ZW10: variants seen among roughly 807,000 people sequenced by gnomAD.
ZW10 encodes centromere/kinetochore protein zw10 homolog.
A neutral mutation model predicts 87.8 loss-of-function variants in ZW10; 53 were observed. The ratio of observed to expected loss-of-function variants is 0.60; its 90% CI spans 0.48 to 0.76. The LOEUF is 0.76. Among genes scored for constraint, ZW10 ranks in the 30% least tolerant of loss-of-function variants. The pLI, the probability that ZW10 is intolerant of heterozygous loss-of-function variation, is 0.00. For missense variants in ZW10, 837 were observed against 923.0 expected, an observed-to-expected ratio of 0.91 and a Z score of 1.21; for synonymous variants, 312 against 329.2, an observed-to-expected ratio of 0.95 and a Z score of 0.57.
At position 113,747,651 on chromosome 11, in the gene ZW10, A is replaced by G. The variant is rs1359960758; in HGVS notation, c.1152T>C (p.Asp384=). The change falls in exon 9 of 16, where the codon GAT becomes GAC. Residue 384 remains aspartate (D), a synonymous_variant. Coordinates refer to ENST00000200135, the MANE Select transcript of ZW10 (RefSeq NM_004724.4). ...ALKEMRFLKG[D]TTDLLKYARN... The stretch of plus-strand genomic sequence containing the variant: ...GAGCGTATTTCAGCAAATCTGTAGT[A>G]TCTCCTTTTAAAAATCTCATTTCCT... 1 of 1,613,470 alleles carries G rather than the reference A, an allele frequency of 6.2e-7. No homozygotes were observed. The highest frequency in any genetic ancestry group is 8.5e-7 in the Non-Finnish European group (1 of 1,179,578).
intron 11 of ZW10, among the ~76,000 whole-genome samples, chr11:113,740,690 TG>T (rs1410072605): frequency 6.6e-6 from 1 of 152,184 alleles, no homozygotes; most frequent in African/African-American, 2.4e-5. Context: ...TCTCAAAATG[TG>T]GTCCCATGAC....
chr11:113,741,924 G>A (rs2134870117), intron 10 of ZW10, among the ~76,000 whole-genome samples, 159 bp from the exon 11 acceptor site: 1 of 152,326 alleles, frequency 6.6e-6, no homozygotes, highest in Middle Eastern at 3.4e-3. Context: ...AATCTAGATG[G>A]AAATATAGTC....
intron 2 of ZW10, among the ~76,000 whole-genome samples, chr11:113,768,331 C>T (rs1042533339): frequency 6.6e-6 from 1 of 152,190 alleles, no homozygotes; most frequent in South Asian, 2.1e-4. Flanking sequence ...CCAGACCAGC[C>T]ATCTTTCAAA....
intron 12 of ZW10, 138 bp from the exon 13 acceptor site, chr11:113,738,532 G>A: frequency 1.3e-6 from 1 of 761,246 alleles, no homozygotes; most frequent in Non-Finnish European, 1.9e-6. Flanking sequence ...TCATAAAGCT[G>A]CCCTAAAGCT....
chr11:113,755,570 AG>A (rs1342179767), intron 7 of ZW10, among the ~76,000 whole-genome samples: 1 of 152,202 alleles, frequency 6.6e-6, no homozygotes, highest in Non-Finnish European at 1.5e-5. Flanking sequence ...ATGACAACAA[AG>A]GATTTAGAAC....
intron 7 of ZW10, chr11:113,751,174 A>C (rs769329293): frequency 6.1e-4 from 146 of 238,378 alleles, no homozygotes; most frequent in Non-Finnish European, 1.1e-3. Context: ...CTGGAGGCAC[A>C]CATTGAGGCC....
Position 113,760,584 on chromosome 11 carries a change from T to C in ZW10, c.349A>G (p.Thr117Ala). ...SLLKQLQEFS[T>A]AIEEYNCALT... Reference sequence around the variant, plus strand: ...GCACAATTATATTCTTCAATAGCAGTGGAAAACTGAAAAGTTAAGTATAAT... The same window carrying C: ...GCACAATTATATTCTTCAATAGCAGCGGAAAACTGAAAAGTTAAGTATAAT... Residue 117 changes from threonine (T) to alanine (A), a missense_variant, in exon 4 of 16, where the codon ACT becomes GCT. By Grantham distance (58) the Thr-to-Ala change is moderately conservative. Coordinates refer to ENST00000200135, the MANE Select transcript of ZW10 (RefSeq NM_004724.4). The C allele has an allele frequency of 6.2e-7, 1 of 1,610,170 alleles. No individual in the cohort carries two copies. The highest frequency in any genetic ancestry group is 1.1e-5 in the South Asian group (1 of 90,422).
At chr11:113,773,206 G>A (rs2134905848) in intron 1 of ZW10, among the ~76,000 whole-genome samples, 1 of 151,814 alleles carries the variant, frequency 6.6e-6, no homozygotes, top group East Asian at 2.0e-4. Context: ...GCTTCCAGTT[G>A]CTCCTCCCGC....
At chr11:113,744,123 C>T (rs1953654744) in intron 9 of ZW10, 83 bp from the exon 10 acceptor site, 1 of 1,180,222 alleles carries the variant, frequency 8.5e-7, no homozygotes, top group Admixed American at 2.1e-5. Flanking sequence ...CATGGCGGCT[C>T]ACGCCTGTAA....
chr11:113,747,496 A>C lies in ZW10; in HGVS notation c.1272+35T>G, dbSNP rs565484395. 13 of 1,550,560 alleles carry C rather than the reference A, an allele frequency of 8.4e-6. No homozygotes were observed. In the South Asian group the frequency reaches 1.6e-4, roughly 19 times the overall value. ...CAAAATGAGTTGCTTTCTCATATAC[A>C]ATGTTTCATATACAATGCAATATAA... On this transcript the variant is annotated intron_variant, in intron 9 of 15. Transcript: ENST00000200135.
chr11:113,739,098 G>A, intron 12 of ZW10, 115 bp downstream of exon 12: 1 of 1,171,002 alleles, frequency 8.5e-7, no homozygotes, highest in Non-Finnish European at 1.2e-6. Context: ...CCCACTTTCT[G>A]ATACAGCTCA....
At chr11:113,772,475 C>G (rs1953977012) in intron 1 of ZW10, among the ~76,000 whole-genome samples, 1 of 152,136 alleles carries the variant, frequency 6.6e-6, no homozygotes, top group South Asian at 2.1e-4. Flanking sequence ...CCCTCGAAAC[C>G]CTACTTGACT....
chr11:113,734,579 C>T (rs1461543974), intron 15 of ZW10, among the ~76,000 whole-genome samples: 6 of 152,012 alleles, frequency 3.9e-5, no homozygotes, highest in South Asian at 2.1e-4. Context: ...CCGAGGAAGG[C>T]AGATCACATG....
At chr11:113,740,932 GT>G (rs1327853993) in intron 11 of ZW10, among the ~76,000 whole-genome samples, 1 of 152,080 alleles carries the variant, frequency 6.6e-6, no homozygotes, top group Non-Finnish European at 1.5e-5. Flanking sequence ...ATGCAAATAT[GT>G]TTTCTCTTTT....
At chr11:113,749,943 T>C (rs1953717859) in intron 7 of ZW10, among the ~76,000 whole-genome samples, 2 of 152,234 alleles carry the variant, frequency 1.3e-5, no homozygotes, top group Admixed American at 1.3e-4. Context: ...TCACAGTTCT[T>C]TTCCTCCATG....
At chr11:113,748,493 A>T in intron 7 of ZW10, 73 bp from the exon 8 acceptor site, 1 of 1,334,102 alleles carries the variant, frequency 7.5e-7, no homozygotes, top group South Asian at 1.6e-5. Context: ...GGTTTTCTAG[A>T]ATTCTTTAAT....
At chr11:113,762,518 C>T (rs1450690076) in intron 2 of ZW10, among the ~76,000 whole-genome samples, 1 of 151,782 alleles carries the variant, frequency 6.6e-6, no homozygotes, top group African/African-American at 2.4e-5. Flanking sequence ...ACCTTATAAA[C>T]TTATTAACTT....
At chr11:113,756,962 A>G (rs1953793687) in intron 7 of ZW10, among the ~76,000 whole-genome samples, 1 of 152,228 alleles carries the variant, frequency 6.6e-6, no homozygotes, top group African/African-American at 2.4e-5. Flanking sequence ...GATTATTTAT[A>G]CATAAATATA....
intron 9 of ZW10, among the ~76,000 whole-genome samples, chr11:113,747,254 G>A (rs1221456312): frequency 6.6e-6 from 1 of 152,106 alleles, no homozygotes; most frequent in African/African-American, 2.4e-5. Flanking sequence ...ATAATCTACT[G>A]TCTCACTTCA....
Sources: allele counts gnomAD v4.1 joint callset (sites outside exome capture counted in the v4.1 genomes callset), GRCh38; gene constraint gnomAD v4.1.1; transcripts MANE v1.5; gene names NCBI Gene and HGNC (gene_info 2026-07-23, HGNC 2026-07-21).